KLHL5: variants seen among roughly 807,000 people sequenced by gnomAD.
KLHL5 encodes the protein kelch like family member 5.
In KLHL5, 48 loss-of-function variants were observed where a neutral mutation model predicts 77.7. The observed-to-expected ratio is 0.62, with a 90% CI of 0.49 to 0.79. The LOEUF (loss-of-function observed/expected upper bound fraction) is 0.79, where lower values mean the gene tolerates loss of function less well. KLHL5 is among the 30% of genes least tolerant of loss of function. The pLI is 0.00. For missense variants in KLHL5, 723 were observed against 859.7 expected (o/e 0.84, Z 1.99); for synonymous variants, 260 against 297.0 (o/e 0.88, Z 1.28).
At chr4:39,063,125 G>A in intron 1 of KLHL5, 90 bp downstream of exon 1, 1 of 876,568 alleles carries the variant, frequency 1.1e-6, no homozygotes, top group East Asian at 2.8e-5. Context: ...TTTAAAATCT[G>A]ATTATATATG....
chr4:39,060,441 T>TACCACCACC (rs71192817), upstream of KLHL5, among the ~76,000 whole-genome samples: 37 of 148,850 alleles, frequency 2.5e-4, no homozygotes, highest in African/African-American at 7.0e-4. Context: ...ACTAAAAATC[T>TACCACCACC]ACCACCACCA....
Position 39,101,900 on chromosome 4 carries a change from A to G in KLHL5, c.1301-1387A>G, listed in dbSNP as rs1329590844. ...TATACACACACACACACACACATAT[A>G]CACACACACACATATATATATACAT... On this transcript the variant is annotated intron_variant, in intron 6 of 10. Transcript: ENST00000504108. Among the ~76,000 whole-genome samples, 3 of 146,036 alleles carry G rather than the reference A, an allele frequency of 2.1e-5. No individual in the cohort carries two copies. The East Asian group carries it at 5.9e-4, about 29-fold the overall frequency.
At chr4:39,050,821 A>G (rs1175787699) in intron 1 of KLHL5, among the ~76,000 whole-genome samples, 1 of 152,248 alleles carries the variant, frequency 6.6e-6, no homozygotes. Context: ...CAGGCTGATT[A>G]TGATAATCAG....
At chr4:39,090,011 T>G (rs1258467612) in intron 5 of KLHL5, among the ~76,000 whole-genome samples, 1 of 152,226 alleles carries the variant, frequency 6.6e-6, no homozygotes, top group Non-Finnish European at 1.5e-5. Flanking sequence ...GGGTTGATTT[T>G]TTTTCATTGC....
chr4:39,086,397 A>G, intron 4 of KLHL5, 118 bp from the exon 5 acceptor site: 2 of 755,834 alleles, frequency 2.6e-6, no homozygotes, highest in Non-Finnish European at 2.2e-6. Flanking sequence ...ATTACATTGT[A>G]AGGTCTAAAA....
chr4:39,087,400 A>G (rs1057439707), intron 5 of KLHL5, among the ~76,000 whole-genome samples: 1 of 152,184 alleles, frequency 6.6e-6, no homozygotes, highest in Admixed American at 6.5e-5. Context: ...GATTCTGGTG[A>G]TATATAGATT....
chr4:39,141,838 C>A, the KLHL5 span, among the ~76,000 whole-genome samples: 5 of 152,100 alleles, frequency 3.3e-5, no homozygotes, highest in Non-Finnish European at 7.4e-5. Flanking sequence ...GCAGCAGCCA[C>A]AATTCGACTA....
intron 4 of KLHL5, among the ~76,000 whole-genome samples, chr4:39,084,257 C>G (rs1356106519): frequency 6.6e-6 from 1 of 152,074 alleles, no homozygotes; most frequent in Non-Finnish European, 1.5e-5. Flanking sequence ...TGCACGAATA[C>G]AAGTGGTAAA....
intron 1 of KLHL5, among the ~76,000 whole-genome samples, chr4:39,055,877 G>C (rs1339426170): frequency 6.6e-6 from 1 of 152,142 alleles, no homozygotes; most frequent in African/African-American, 2.4e-5. Context: ...AAAGGTTAAA[G>C]TTTACTCCAT....
At chr4:39,110,828 A>G (rs1722405149) in intron 8 of KLHL5, among the ~76,000 whole-genome samples, 1 of 152,158 alleles carries the variant, frequency 6.6e-6, no homozygotes, top group South Asian at 2.1e-4. Context: ...ATTATTAAGT[A>G]TATATAGGTA....
the KLHL5 span, chr4:39,133,847 T>TA: frequency 6.6e-6 from 1 of 152,186 alleles, no homozygotes. Flanking sequence ...TTGATGTCTG[T>TA]AGCAGCTTTT....
At chr4:39,047,020 T>G (rs1393019552) in intron 1 of KLHL5, among the ~76,000 whole-genome samples, 1 of 151,910 alleles carries the variant, frequency 6.6e-6, no homozygotes, top group African/African-American at 2.4e-5. Flanking sequence ...GGAGATTTAC[T>G]ATACTAATGT....
At chr4:39,045,019 G>GGCCCCC (rs1716042565), upstream of KLHL5, 4 of 993,280 alleles carry the variant, frequency 4.0e-6, no homozygotes, top group African/African-American at 5.3e-5. Context: ...CGCCGGCCCC[G>GGCCCCC]GCCCCCGCCT....
intron 1 of KLHL5, among the ~76,000 whole-genome samples, chr4:39,048,388 C>T (rs1288306337): frequency 1.3e-5 from 2 of 152,212 alleles, no homozygotes; most frequent in South Asian, 2.1e-4. Context: ...TTCATTGCTT[C>T]ACTCCATTTA....
intron 6 of KLHL5, among the ~76,000 whole-genome samples, chr4:39,101,139 T>TATATATATATATATAA (rs1370219891): frequency 1.4e-5 from 2 of 147,984 alleles, no homozygotes; most frequent in Non-Finnish European, 3.0e-5. Context: ...TATATATATA[T>TATATATATATATATAA]ATATATATCT....
intron 1 of KLHL5, among the ~76,000 whole-genome samples, chr4:39,051,796 T>TA (rs1366832463): frequency 1.3e-5 from 2 of 152,204 alleles, no homozygotes; most frequent in Non-Finnish European, 2.9e-5. Flanking sequence ...CAGGGTTCTG[T>TA]AAAAGCTATG....
chr4:39,105,520 C>T (rs907521421), intron 7 of KLHL5, among the ~76,000 whole-genome samples: 2 of 151,458 alleles, frequency 1.3e-5, no homozygotes, highest in African/African-American at 4.9e-5. Context: ...CCCCCTTTGA[C>T]ATATTATGCA....
In KLHL5 at chr4:39,062,677, G is replaced by C; in HGVS notation, c.25G>C (p.Asp9His). The C allele has an allele frequency of 6.2e-7, 1 of 1,614,122 alleles. No individual in the cohort carries two copies. Among genetic ancestry groups the C allele is most frequent in the Non-Finnish European group, 8.5e-7 (1 of 1,180,006 alleles). Reference sequence around the variant, plus strand: ...GATGTCTGGTTCTCGTAAAGAGTTTGATGTGAAACAGATTTTGAAAATCAG... The same window carrying C: ...GATGTCTGGTTCTCGTAAAGAGTTTCATGTGAAACAGATTTTGAAAATCAG... The part of the protein sequence containing the change: MSGSRKEF[D>H]VKQILKIRWR... Residue 9 changes from aspartate (D) to histidine (H), a missense_variant, in exon 1 of 11, where the codon GAT becomes CAT. Around this residue, in one of 3 missense-constraint regions of KLHL5, gnomAD observed 221 missense variants for 222.1 expected, o/e 1.00. Transcript: ENST00000504108.
chr4:39,075,778 C>T (rs1159922984), intron 1 of KLHL5, among the ~76,000 whole-genome samples, 187 bp from the exon 2 acceptor site: 1 of 152,118 alleles, frequency 6.6e-6, no homozygotes, highest in Non-Finnish European at 1.5e-5. Flanking sequence ...ACAGTGTTTA[C>T]AAGAATCATA....
Sources: gnomAD v4.1 joint callset for allele counts (sites outside exome capture counted in the v4.1 genomes callset) on GRCh38, gnomAD v4.1.1 for gene constraint, gnomAD v4.1.1 regional missense constraint, MANE v1.5 for transcripts, NCBI Gene and HGNC (gene_info 2026-07-23, HGNC 2026-07-21) for gene names.